Variants in CHSY3 observed in about 807,000 individuals in gnomAD.
CHSY3 encodes chondroitin sulfate synthase 3.
Under a neutral mutation model 67.2 loss-of-function variants are expected in CHSY3, and 35 were observed. The ratio of observed to expected loss-of-function variants is 0.52; its 90% confidence interval spans 0.40 to 0.69. CHSY3 has a LOEUF of 0.69. Ranked by LOEUF, CHSY3 falls within the 30% of genes least tolerant of loss-of-function variation. The pLI is 0.00. For synonymous variants in CHSY3, 474 were observed against 434.7 expected (o/e 1.09, Z -1.12); for missense variants, 1,069 against 1,138.5 (o/e 0.94, Z 0.88).
At chr5:130,158,456 A>G (rs1024400002) in intron 2 of CHSY3, among the ~76,000 whole-genome samples, 2 of 152,208 alleles carry the variant, frequency 1.3e-5, no homozygotes, top group African/African-American at 4.8e-5. Flanking sequence ...AGTTTCCTAG[A>G]GTACTTCTTA....
intron 2 of CHSY3, among the ~76,000 whole-genome samples, chr5:130,044,786 G>T (rs1424239155): frequency 6.6e-6 from 1 of 152,048 alleles, no homozygotes; most frequent in African/African-American, 2.4e-5. Flanking sequence ...AAGCTTACTG[G>T]AGGCGACAAA....
At chr5:130,034,509 C>T (rs938560476) in intron 2 of CHSY3, among the ~76,000 whole-genome samples, 2 of 152,048 alleles carry the variant, frequency 1.3e-5, no homozygotes, top group African/African-American at 4.8e-5. Context: ...CCTTTCAAAA[C>T]CAGGAAAAGA....
At position 130,057,068 on chromosome 5, in the gene CHSY3, C is replaced by T. The variant is rs551694697; in HGVS notation, c.1087-127161C>T. 2.4e-4 allele frequency among the ~76,000 whole-genome samples: 37 copies of T among 151,262 alleles called. No homozygotes were observed. In the South Asian group the frequency reaches 6.5e-3, roughly 27 times the overall value. On this transcript the variant is annotated intron_variant, in intron 2 of 2. Transcript: ENST00000305031. ...CCTCCTGAGTAGCTGGGACTACAGG[C>T]GCCCACCACCACTCCCAGCTAATTT...
At chr5:129,990,017 CT>C (rs1313613056) in intron 2 of CHSY3, among the ~76,000 whole-genome samples, 2 of 152,022 alleles carry the variant, frequency 1.3e-5, no homozygotes, top group Non-Finnish European at 2.9e-5. Context: ...TTGTGGACCC[CT>C]GATCTAAAAT....
At chr5:130,012,766 C>A (rs1446140096) in intron 2 of CHSY3, among the ~76,000 whole-genome samples, 1 of 152,092 alleles carries the variant, frequency 6.6e-6, no homozygotes, top group Non-Finnish European at 1.5e-5. Flanking sequence ...TGGGTGGGGG[C>A]ACAGCCAAAC....
At chr5:130,083,020 T>C (rs1766494472) in intron 2 of CHSY3, among the ~76,000 whole-genome samples, 1 of 151,468 alleles carries the variant, frequency 6.6e-6, no homozygotes, top group Non-Finnish European at 1.5e-5. Flanking sequence ...ATAAAATAAA[T>C]AAAATAAAAT....
chr5:130,174,976 T>C (rs1222296874), intron 2 of CHSY3, among the ~76,000 whole-genome samples: 1 of 152,052 alleles, frequency 6.6e-6, no homozygotes, highest in East Asian at 1.9e-4. Flanking sequence ...ATGGAAAAGA[T>C]ATAATAGTGG....
At position 129,908,156 on chromosome 5, in the gene CHSY3, T is replaced by G. The variant is rs777808269; in HGVS notation, c.882T>G (p.Ile294Met). Residue 294 changes from isoleucine to methionine, a missense_variant, in exon 2 of 3, where the codon ATT becomes ATG. Ile to Met is a conservative substitution (Grantham distance 10). Coordinates refer to ENST00000305031, the MANE Select transcript of CHSY3 (RefSeq NM_175856.5). ...TGGGACAGACTGGCCTGGGGAATAT[T>G]GAAGAGCTTGGAAAGCTGGGACTGG... Reference protein sequence around the residue: ...LYLGQTGLGNIEELGKLGLEP... With the variant: ...LYLGQTGLGNMEELGKLGLEP... The G allele has an allele frequency of 6.2e-7, 1 of 1,614,162 alleles. No individual in the cohort carries two copies. The highest frequency in any genetic ancestry group is 2.2e-5 in the East Asian group (1 of 44,878).
At chr5:130,046,874 T>C (rs1026883526) in intron 2 of CHSY3, among the ~76,000 whole-genome samples, 31 of 152,044 alleles carry the variant, frequency 2.0e-4, no homozygotes, top group African/African-American at 7.5e-4. Context: ...TATTCAATTG[T>C]CATCTTTTTG....
intron 2 of CHSY3, among the ~76,000 whole-genome samples, chr5:130,164,651 C>G (rs1769677279): frequency 6.6e-6 from 1 of 152,098 alleles, no homozygotes; most frequent in African/African-American, 2.4e-5. Flanking sequence ...CATTGAGTCT[C>G]TCTTCTCAGA....
rs114561243 is a variant in CHSY3, at chr5:130,179,374, T to C, written c.1087-4855T>C. Among the ~76,000 whole-genome samples the C allele has an allele frequency of 7.4e-3, 1,127 of 152,276 alleles. 3 individuals are homozygous for C. The highest frequency in any genetic ancestry group is 0.025 in the African/African-American group (1,023 of 41,578). ...AGCATGTTTTTGGCTTTTCTTAGCCTACCCTCCTATCAATATGATTTCTCT... is the reference window on the plus strand; with the variant it reads ...AGCATGTTTTTGGCTTTTCTTAGCCCACCCTCCTATCAATATGATTTCTCT... On this transcript the variant is annotated intron_variant, in intron 2 of 2. Coordinates refer to ENST00000305031, the MANE Select transcript of CHSY3 (RefSeq NM_175856.5).
rs1258926535 is a variant in CHSY3 at position 129,904,780 on chromosome 5, C to G, written c.-50C>G. 2.3e-6 allele frequency: 3 copies of G among 1,311,216 alleles called. No individual in the cohort carries two copies. Among genetic ancestry groups the G allele is most frequent in the Admixed American group, 7.5e-5 (2 of 26,610 alleles). 81.2% of individuals were successfully genotyped at this position (1,311,216 alleles called of 1,614,324 possible). On this transcript the variant is annotated 5_prime_UTR_variant, in exon 1 of 3. Transcript: ENST00000305031. ...GGGCGGGTGTGAGCCGGGGAAACCG[C>G]GTGCCGCGCCGCGACAGCCCAGCGA...
rs143355732 is a variant in CHSY3 at position 130,010,318 on chromosome 5, T to G, written c.1086+101958T>G. On this transcript the variant is annotated intron_variant, in intron 2 of 2. Coordinates refer to ENST00000305031, the MANE Select transcript of CHSY3 (RefSeq NM_175856.5). ...CAGTGCAACAAAATTATAACTCAAT[T>G]ACAAGAAGATCTCTGAAAAAACTTA... is the stretch of plus-strand genomic sequence containing the variant. 7.4e-3 allele frequency among the ~76,000 whole-genome samples: 1,127 copies of G among 152,224 alleles called. 12 individuals carry two copies. The highest frequency in any genetic ancestry group is 0.026 in the African/African-American group (1,075 of 41,548).
chr5:129,941,214 A>G (rs1330658925), intron 2 of CHSY3, among the ~76,000 whole-genome samples: 1 of 152,162 alleles, frequency 6.6e-6, no homozygotes, highest in Admixed American at 6.5e-5. Context: ...ATAAATTAAT[A>G]AATAAATAAA....
chr5:130,050,384 C>T (rs1765300904), intron 2 of CHSY3, among the ~76,000 whole-genome samples: 1 of 152,054 alleles, frequency 6.6e-6, no homozygotes. Context: ...TTAGAAATGA[C>T]ATCATCTGGC....
chr5:129,905,011 A>C lies in CHSY3; in HGVS notation c.182A>C (p.Gln61Pro), dbSNP rs764810967. 1.3e-6 allele frequency: 2 copies of C among 1,564,788 alleles called. No homozygotes were observed. Among genetic ancestry groups the C allele is most frequent in the Non-Finnish European group, 8.6e-7 (1 of 1,161,838 alleles). ...SAAGPRAGAQ[Q>P]PLPQPQSRPR... ...GCTGGCCCCCGCGCCGGCGCTCAGCAGCCGCTCCCCCAGCCCCAGTCCCGA... is the reference window on the plus strand; with the variant it reads ...GCTGGCCCCCGCGCCGGCGCTCAGCCGCCGCTCCCCCAGCCCCAGTCCCGA... The change falls in exon 1 of 3, where the codon CAG becomes CCG. Residue 61 changes from glutamine (Q) to proline (P), a missense_variant. Gln to Pro is a moderately conservative substitution (Grantham distance 76). Coordinates refer to ENST00000305031, the MANE Select transcript of CHSY3 (RefSeq NM_175856.5).
Position 130,059,989 on chromosome 5 carries a change from C to CA in CHSY3, c.1087-124230dup, listed in dbSNP as rs1414433801. Among the ~76,000 whole-genome samples the CA allele has an allele frequency of 8.9e-4, 127 of 143,454 alleles. 1 individual carries two copies. In the East Asian group the frequency reaches 0.011, roughly 13 times the overall value. 94.1% of individuals were successfully genotyped at this position (143,454 alleles called of 152,430 possible). On this transcript the variant is annotated intron_variant, in intron 2 of 2. Transcript: ENST00000305031. ...TTTTAAAAAATGAAGTGAAGATGTA[C>CA]AAAAAAAAAACTGGTACCGGTCTTA...
Position 130,185,613 on chromosome 5 carries a change from G to C in CHSY3, c.2471G>C (p.Ser824Thr). The change falls in exon 3 of 3, where the codon AGC becomes ACC. Residue 824 changes from serine (S) to threonine (T), a missense_variant. Coordinates refer to ENST00000305031, the MANE Select transcript of CHSY3 (RefSeq NM_175856.5). ...VILSGLRPFR[S>T]QEVGVVHIFH... Reference sequence around the variant, plus strand: ...CTATCTGGCTTAAGGCCATTCAGAAGCCAAGAAGTAGGAGTGGTGCATATT... The same window carrying C: ...CTATCTGGCTTAAGGCCATTCAGAACCCAAGAAGTAGGAGTGGTGCATATT... The C allele has an allele frequency of 6.2e-7, 1 of 1,614,112 alleles. No individual in the cohort carries two copies. The highest frequency in any genetic ancestry group is 8.5e-7 in the Non-Finnish European group (1 of 1,179,984).
intron 2 of CHSY3, among the ~76,000 whole-genome samples, chr5:129,977,617 A>G (rs1229536280): frequency 6.6e-6 from 1 of 152,140 alleles, no homozygotes; most frequent in Admixed American, 6.6e-5. Context: ...GCATTGAACG[A>G]GGTATCCCAT....
Sources: allele counts gnomAD v4.1 joint callset (sites outside exome capture counted in the v4.1 genomes callset), GRCh38; gene constraint gnomAD v4.1.1; transcripts MANE v1.5; gene names NCBI Gene and HGNC (gene_info 2026-07-23, HGNC 2026-07-21).